The following PTPRD variants were observed in gnomAD, a reference collection of about 807,000 sequenced individuals.
The protein encoded by PTPRD is protein tyrosine phosphatase receptor type D, also known as receptor-type tyrosine-protein phosphatase delta.
A neutral mutation model predicts 214.5 loss-of-function variants in PTPRD; 34 were observed. The ratio of observed to expected loss-of-function variants is 0.16; its 90% CI spans 0.12 to 0.21. The LOEUF is 0.21. Ranked by LOEUF, PTPRD falls within the 10% of genes least tolerant of loss-of-function variation. The pLI is 1.00. For synonymous variants in PTPRD, 1,128 were observed against 845.7 expected (o/e 1.33, Z -5.79); for missense variants, 2,545 against 2,398.7 (o/e 1.06, Z -1.27).
At chr9:9,820,118 A>C (rs1284090801) in intron 5 of PTPRD, among the ~76,000 whole-genome samples, 1 of 152,166 alleles carries the variant, frequency 6.6e-6, no homozygotes, top group African/African-American at 2.4e-5. Flanking sequence ...GTGTATAAGC[A>C]TTCCCTTGAA....
intron 43 of PTPRD, 92 bp downstream of exon 43, chr9:8,338,830 G>T (rs1849497895): frequency 9.7e-7 from 1 of 1,027,004 alleles, no homozygotes; most frequent in Non-Finnish European, 1.3e-6. Context: ...CAACAGTCAA[G>T]TGGCAAGTGC....
chr9:9,788,274 G>A (rs560381235), intron 5 of PTPRD, among the ~76,000 whole-genome samples: 6 of 151,708 alleles, frequency 4.0e-5, no homozygotes, highest in African/African-American at 1.2e-4. Context: ...CTCTCTGGCC[G>A]GGCGCGGTGA....
intron 5 of PTPRD, among the ~76,000 whole-genome samples, chr9:9,930,524 G>T (rs57542556): frequency 0.12 from 18,867 of 151,916 alleles, 3,948 homozygotes; most frequent in African/African-American, 0.43. Context: ...CACTCAAACT[G>T]GATAAAGAAC....
intron 34 of PTPRD, 138 bp from the exon 35 acceptor site, chr9:8,436,827 G>A (rs981966798): frequency 7.3e-6 from 5 of 680,398 alleles, no homozygotes; most frequent in Admixed American, 5.5e-5. Flanking sequence ...TGAGGAAGCA[G>A]GCAAATAGTT....
intron 8 of PTPRD, among the ~76,000 whole-genome samples, chr9:9,406,568 A>G (rs1044504647): frequency 6.6e-6 from 1 of 151,846 alleles, no homozygotes; most frequent in Admixed American, 6.6e-5. Flanking sequence ...CTTTCTTCAC[A>G]ATTTCAAACT....
chr9:9,682,078 C>T lies in PTPRD; in HGVS notation c.-287+52455G>A, dbSNP rs1046530813. 6.6e-5 allele frequency among the ~76,000 whole-genome samples: 10 copies of T among 151,860 alleles called. No individual in the cohort carries two copies. The East Asian group carries it at 1.9e-3, about 29-fold the overall frequency. ...GCCAACTACATAATTTGCAGAGGCT[C>T]TAACTTGCCAGCCCCTGGAAAACAG... On this transcript the variant is annotated intron_variant, in intron 7 of 45. Transcript: ENST00000381196.
chr9:8,725,265 T>C (rs2053126), intron 12 of PTPRD, among the ~76,000 whole-genome samples: 75,728 of 152,064 alleles, frequency 0.5, 19,143 homozygotes, highest in Non-Finnish European at 0.53. Context: ...TTGTTACTGT[T>C]AGAAAATGTA....
intron 8 of PTPRD, among the ~76,000 whole-genome samples, chr9:9,557,975 T>C (rs2081952678): frequency 6.6e-6 from 1 of 152,212 alleles, no homozygotes; most frequent in Non-Finnish European, 1.5e-5. Context: ...TCTTGGCTGC[T>C]TGAGCCAGCA....
At chr9:8,728,549 C>A (rs1239406108) in intron 12 of PTPRD, among the ~76,000 whole-genome samples, 1 of 152,190 alleles carries the variant, frequency 6.6e-6, no homozygotes, top group Non-Finnish European at 1.5e-5. Flanking sequence ...CTGACTCTGC[C>A]TACTGAAATG....
chr9:9,046,453 G>A (rs956398139), intron 10 of PTPRD, among the ~76,000 whole-genome samples: 1 of 152,086 alleles, frequency 6.6e-6, no homozygotes, highest in Non-Finnish European at 1.5e-5. Context: ...TCCATTTGGA[G>A]ACTTAATTCA....
intron 12 of PTPRD, among the ~76,000 whole-genome samples, chr9:8,719,007 G>A (rs973198506): frequency 5.3e-5 from 8 of 152,122 alleles, no homozygotes; most frequent in African/African-American, 1.9e-4. Flanking sequence ...TGACTTTTGT[G>A]CTTTTATTTG....
At chr9:10,120,670 A>G (rs78834188) in intron 3 of PTPRD, among the ~76,000 whole-genome samples, 1 of 11,976 alleles carries the variant, frequency 8.4e-5, no homozygotes, top group Non-Finnish European at 2.8e-4. Flanking sequence ...ATAAATTTTG[A>G]AAAAAAATTT....
intron 2 of PTPRD, among the ~76,000 whole-genome samples, chr9:10,349,398 C>T (rs2097144749): frequency 1.3e-5 from 2 of 152,066 alleles, no homozygotes; most frequent in Admixed American, 1.3e-4. Flanking sequence ...TAATTACTGC[C>T]CCTGCAGATA....
chr9:9,979,175 T>C (rs2095459796), intron 4 of PTPRD, among the ~76,000 whole-genome samples: 1 of 152,056 alleles, frequency 6.6e-6, no homozygotes, highest in East Asian at 1.9e-4. Context: ...GGACATAAAC[T>C]TAGATTTATA....
chr9:9,657,571 G>A (rs895308828), intron 7 of PTPRD, among the ~76,000 whole-genome samples: 1 of 152,082 alleles, frequency 6.6e-6, no homozygotes, highest in Non-Finnish European at 1.5e-5. Flanking sequence ...TGCACGTTGT[G>A]CATATGTACC....
intron 9 of PTPRD, among the ~76,000 whole-genome samples, chr9:9,368,781 T>A (rs1039587801): frequency 1.3e-5 from 2 of 151,888 alleles, no homozygotes; most frequent in African/African-American, 2.4e-5. Flanking sequence ...TTATTATACT[T>A]TAAGTTTTAG....
At chr9:10,102,609 G>C (rs1269621512) in intron 3 of PTPRD, among the ~76,000 whole-genome samples, 1 of 151,198 alleles carries the variant, frequency 6.6e-6, no homozygotes, top group Non-Finnish European at 1.5e-5. Flanking sequence ...ATCAAATATT[G>C]AATTTATGCA....
intron 2 of PTPRD, among the ~76,000 whole-genome samples, chr9:10,434,729 G>T (rs2098705912): frequency 6.6e-6 from 1 of 151,898 alleles, no homozygotes; most frequent in African/African-American, 2.4e-5. Context: ...TGGTGGAGAA[G>T]ATTCTTTTCT....
chr9:10,397,533 A>G (rs1407914), intron 2 of PTPRD, among the ~76,000 whole-genome samples: 131,866 of 152,008 alleles, frequency 0.87, 57,212 homozygotes, highest in African/African-American at 0.9. Flanking sequence ...TTACATATAT[A>G]GTCATGCACT....
Sources: gnomAD v4.1 joint callset for allele counts (sites outside exome capture counted in the v4.1 genomes callset) on GRCh38, gnomAD v4.1.1 for gene constraint, MANE v1.5 for transcripts, NCBI Gene and HGNC (gene_info 2026-07-23, HGNC 2026-07-21) for gene names.